The following KCNMB2 variants were observed in gnomAD, a reference collection of about 807,000 sequenced individuals.
The protein encoded by KCNMB2 is potassium calcium-activated channel subfamily M regulatory beta subunit 2.
Under a neutral mutation model 24.5 loss-of-function variants are expected in KCNMB2, and 9 were observed. The observed-to-expected ratio is 0.37, with a 90% CI of 0.22 to 0.64. KCNMB2 has a LOEUF of 0.64. Among genes scored for constraint, KCNMB2 ranks in the 30% least tolerant of loss-of-function variants. The probability of loss-of-function intolerance (pLI) is 0.63; values close to 1 mark genes in which losing one functional copy is unlikely to be tolerated. For missense variants in KCNMB2, 226 were observed against 284.3 expected (o/e 0.79, Z 1.47); for synonymous variants, 109 against 104.4 (o/e 1.04, Z -0.27).
chr3:178,595,088 T>G (rs1372674321), intron 1 of KCNMB2, among the ~76,000 whole-genome samples: 2 of 125,290 alleles, frequency 1.6e-5, no homozygotes, highest in Non-Finnish European at 3.4e-5. Context: ...AATACATCAA[T>G]ACGATGAGGC....
At chr3:178,602,757 C>T (rs898510314) in intron 1 of KCNMB2, among the ~76,000 whole-genome samples, 2 of 152,092 alleles carry the variant, frequency 1.3e-5, no homozygotes, top group African/African-American at 4.8e-5. Context: ...TGGTGAGGTT[C>T]TCATATTTTA....
At chr3:178,575,298 T>C (rs887024804) in intron 1 of KCNMB2, among the ~76,000 whole-genome samples, 2 of 152,018 alleles carry the variant, frequency 1.3e-5, no homozygotes, top group South Asian at 4.2e-4. Context: ...GTGAGTTGGG[T>C]TCTGGGGTAG....
At chr3:178,717,573 C>A (rs774035675) in intron 1 of KCNMB2, among the ~76,000 whole-genome samples, 1 of 152,074 alleles carries the variant, frequency 6.6e-6, no homozygotes, top group Non-Finnish European at 1.5e-5. Flanking sequence ...AGTTAAACAC[C>A]CTTTCTGTTC....
At chr3:178,734,581 T>C (rs1723258372) in intron 1 of KCNMB2, among the ~76,000 whole-genome samples, 2 of 152,160 alleles carry the variant, frequency 1.3e-5, no homozygotes, top group Admixed American at 6.5e-5. Flanking sequence ...TAGCGTTACC[T>C]ATTATTTTGT....
chr3:178,624,841 A>G (rs1460213203), intron 1 of KCNMB2, among the ~76,000 whole-genome samples: 1 of 151,244 alleles, frequency 6.6e-6, no homozygotes, highest in Non-Finnish European at 1.5e-5. Context: ...GCAGCCAGGG[A>G]AGGGGAGTTG....
At chr3:178,594,685 G>A (rs1717801623) in intron 1 of KCNMB2, among the ~76,000 whole-genome samples, 3 of 152,054 alleles carry the variant, frequency 2.0e-5, no homozygotes, top group Admixed American at 2.0e-4. Flanking sequence ...GGAATTCAAG[G>A]GGGAGGCTGC....
intron 1 of KCNMB2, among the ~76,000 whole-genome samples, chr3:178,632,275 G>C (rs1719347715): frequency 6.6e-6 from 1 of 152,156 alleles, no homozygotes; most frequent in Non-Finnish European, 1.5e-5. Flanking sequence ...AGTACACACA[G>C]TATGCTCTCT....
intron 1 of KCNMB2, among the ~76,000 whole-genome samples, chr3:178,690,567 A>G (rs1721634619): frequency 6.6e-6 from 1 of 152,222 alleles, no homozygotes; most frequent in Non-Finnish European, 1.5e-5. Flanking sequence ...GTGAGGGAAG[A>G]ACTGAGACAA....
intron 1 of KCNMB2, among the ~76,000 whole-genome samples, chr3:178,570,057 T>C (rs1716715454): frequency 6.6e-6 from 1 of 152,112 alleles, no homozygotes. Flanking sequence ...TCTTTTCTTT[T>C]GTTAGTAATG....
At chr3:178,582,993 A>T (rs1274482843) in intron 1 of KCNMB2, among the ~76,000 whole-genome samples, 1 of 152,226 alleles carries the variant, frequency 6.6e-6, no homozygotes, top group East Asian at 1.9e-4. Context: ...CTTCTGGCAT[A>T]AAATAAGAAT....
chr3:178,726,177 A>G (rs546148520), intron 1 of KCNMB2, among the ~76,000 whole-genome samples: 7 of 152,068 alleles, frequency 4.6e-5, no homozygotes, highest in African/African-American at 1.4e-4. Context: ...TACTAGTTCA[A>G]GTAGAATGTA....
intron 1 of KCNMB2, among the ~76,000 whole-genome samples, chr3:178,647,648 T>G (rs1421991458): frequency 1.3e-5 from 2 of 152,256 alleles, no homozygotes; most frequent in Non-Finnish European, 2.9e-5. Context: ...CATTAAGTAC[T>G]TAATAATAGT....
chr3:178,691,723 T>A (rs1356133812), intron 1 of KCNMB2, among the ~76,000 whole-genome samples: 2 of 152,200 alleles, frequency 1.3e-5, no homozygotes, highest in South Asian at 4.1e-4. Flanking sequence ...AACATACGCA[T>A]GCATGTGTCT....
intron 1 of KCNMB2, among the ~76,000 whole-genome samples, chr3:178,737,798 G>A (rs1412823660): frequency 6.6e-6 from 1 of 152,170 alleles, no homozygotes; most frequent in Non-Finnish European, 1.5e-5. Context: ...ACAACTCAGA[G>A]ATGAGGATTA....
intron 1 of KCNMB2, among the ~76,000 whole-genome samples, chr3:178,706,745 T>C (rs1361263586): frequency 2.6e-5 from 4 of 152,248 alleles, no homozygotes; most frequent in Middle Eastern, 3.4e-3. Context: ...ATCCCCAGTT[T>C]TTTGCAAGTG....
chr3:178,554,619 G>A (rs149394481), intron 1 of KCNMB2, among the ~76,000 whole-genome samples: 4 of 151,778 alleles, frequency 2.6e-5, no homozygotes, highest in Non-Finnish European at 5.9e-5. Flanking sequence ...CAATTCTCAG[G>A]CCCCTTTCAG....
chr3:178,638,617 A>G (rs1254599608), intron 1 of KCNMB2, among the ~76,000 whole-genome samples: 1 of 152,228 alleles, frequency 6.6e-6, no homozygotes, highest in Non-Finnish European at 1.5e-5. Flanking sequence ...ACTCTTGACA[A>G]GAATGTAAGC....
At chr3:178,636,383 C>T (rs1719522168) in intron 1 of KCNMB2, among the ~76,000 whole-genome samples, 1 of 151,974 alleles carries the variant, frequency 6.6e-6, no homozygotes, top group Admixed American at 6.6e-5. Context: ...CCACCTGTAC[C>T]CCAATAACTT....
intron 1 of KCNMB2, among the ~76,000 whole-genome samples, chr3:178,571,928 A>G (rs1560113928): frequency 6.6e-6 from 1 of 152,162 alleles, no homozygotes; most frequent in East Asian, 1.9e-4. Context: ...TATCCAGCTT[A>G]TCACTGATGG....
Sources: allele counts gnomAD v4.1 joint callset (sites outside exome capture counted in the v4.1 genomes callset), GRCh38; gene constraint gnomAD v4.1.1; transcripts MANE v1.5; gene names NCBI Gene and HGNC (gene_info 2026-07-23, HGNC 2026-07-21).